The following FSTL5 variants were observed in gnomAD, a reference collection of about 807,000 sequenced individuals.
FSTL5 encodes the protein follistatin like 5, also known as follistatin-related protein 5.
Under a neutral mutation model 89.1 loss-of-function variants are expected in FSTL5, and 62 were observed. The ratio of observed to expected loss-of-function variants is 0.70; its 90% CI spans 0.57 to 0.86. FSTL5 has a LOEUF of 0.86. Ranked by LOEUF, FSTL5 falls within the 40% of genes least tolerant of loss-of-function variation. The pLI, the probability that FSTL5 is intolerant of heterozygous loss-of-function variation, is 0.00. For missense variants in FSTL5, 1,057 were observed against 1,001.6 expected (o/e 1.06, Z -0.75); for synonymous variants, 383 against 346.2 (o/e 1.11, Z -1.18).
chr4:162,116,063 G>C (rs529418652), intron 1 of FSTL5, among the ~76,000 whole-genome samples: 118 of 152,280 alleles, frequency 7.7e-4, no homozygotes, highest in African/African-American at 2.5e-3. Flanking sequence ...TTGTTGCAGA[G>C]AGGTTAAGTA....
At chr4:161,943,871 T>C (rs572027454) in intron 3 of FSTL5, among the ~76,000 whole-genome samples, 1 of 152,048 alleles carries the variant, frequency 6.6e-6, no homozygotes, top group Non-Finnish European at 1.5e-5. Context: ...CACTGTATCT[T>C]TACCTGCTCT....
chr4:161,896,277 A>G (rs544499932), intron 4 of FSTL5, among the ~76,000 whole-genome samples: 1 of 152,330 alleles, frequency 6.6e-6, no homozygotes, highest in Non-Finnish European at 1.5e-5. Flanking sequence ...CACATGAAAT[A>G]GTTGTGCTAC....
chr4:161,995,607 C>A (rs76940364), intron 3 of FSTL5, among the ~76,000 whole-genome samples: 8,360 of 152,078 alleles, frequency 0.055, 267 homozygotes, highest in Non-Finnish European at 0.077. Context: ...ATTAGCACTC[C>A]GCATCAGTGC....
At chr4:161,467,108 T>TA (rs1733772447) in intron 13 of FSTL5, among the ~76,000 whole-genome samples, 1 of 152,080 alleles carries the variant, frequency 6.6e-6, no homozygotes, top group African/African-American at 2.4e-5. Flanking sequence ...TACATTTCAA[T>TA]AACTGTAACA....
chr4:161,504,369 A>G (rs1730403042), intron 11 of FSTL5, among the ~76,000 whole-genome samples: 1 of 151,936 alleles, frequency 6.6e-6, no homozygotes, highest in Non-Finnish European at 1.5e-5. Context: ...CTCTTCATGA[A>G]TGCATTGTGG....
intron 4 of FSTL5, among the ~76,000 whole-genome samples, chr4:161,800,537 A>G (rs1031891885): frequency 6.6e-5 from 10 of 151,666 alleles, no homozygotes; most frequent in Non-Finnish European, 1.3e-4. Flanking sequence ...ATGAATATAC[A>G]AAGACCTCCT....
intron 7 of FSTL5, among the ~76,000 whole-genome samples, chr4:161,641,510 T>C (rs868515546): frequency 6.9e-6 from 1 of 144,206 alleles, no homozygotes; most frequent in Admixed American, 6.9e-5. Context: ...TTTTGTTTTG[T>C]TTTTTTTTTT....
At chr4:162,035,464 TG>T (rs1309479160) in intron 2 of FSTL5, 1 of 152,070 alleles carries the variant, frequency 6.6e-6, no homozygotes, top group Non-Finnish European at 1.5e-5. Context: ...AATTTCAAAT[TG>T]TCCTGAGTTA....
intron 7 of FSTL5, among the ~76,000 whole-genome samples, chr4:161,616,821 C>A (rs1734890198): frequency 6.6e-6 from 1 of 151,182 alleles, no homozygotes; most frequent in African/African-American, 2.4e-5. Context: ...ACCTATGTAA[C>A]AAACCTGCAT....
chr4:162,101,919 A>T (rs1173031657), intron 2 of FSTL5, among the ~76,000 whole-genome samples: 1 of 152,228 alleles, frequency 6.6e-6, no homozygotes, highest in Non-Finnish European at 1.5e-5. Flanking sequence ...ATCAATATCA[A>T]TGATTAGAAA....
At chr4:161,869,231 T>A (rs961692408) in intron 4 of FSTL5, among the ~76,000 whole-genome samples, 6 of 152,068 alleles carry the variant, frequency 3.9e-5, no homozygotes, top group African/African-American at 1.4e-4. Flanking sequence ...ATAATGCATA[T>A]CTCAGGGAAC....
At chr4:161,515,195 T>G (rs547468111) in intron 10 of FSTL5, among the ~76,000 whole-genome samples, 133 of 152,126 alleles carry the variant, frequency 8.7e-4, no homozygotes, top group Admixed American at 2.2e-3. Context: ...TACATTCTCT[T>G]TTTGTTTGTT....
chr4:161,933,960 T>A (rs1734362197), intron 3 of FSTL5, among the ~76,000 whole-genome samples: 1 of 152,090 alleles, frequency 6.6e-6, no homozygotes, highest in South Asian at 2.1e-4. Context: ...AAAACATATC[T>A]CCTAAACAAG....
chr4:162,103,422 A>G (rs1731082224), intron 2 of FSTL5, among the ~76,000 whole-genome samples: 1 of 152,186 alleles, frequency 6.6e-6, no homozygotes, highest in Admixed American at 6.5e-5. Context: ...TTTAGTGGCA[A>G]TTGTGACCTC....
At chr4:161,691,413 C>T (rs11100382) in intron 6 of FSTL5, among the ~76,000 whole-genome samples, 79,739 of 151,978 alleles carry the variant, frequency 0.52, 25,041 homozygotes, top group East Asian at 0.69. Context: ...TCTTTCTACC[C>T]GTGCCACACT....
intron 7 of FSTL5, among the ~76,000 whole-genome samples, chr4:161,592,050 C>T (rs560093402): frequency 5.9e-5 from 9 of 152,046 alleles, no homozygotes; most frequent in African/African-American, 9.6e-5. Flanking sequence ...TGAGACAAAA[C>T]GCTCAAAACA....
intron 6 of FSTL5, among the ~76,000 whole-genome samples, chr4:161,667,490 TAACATTATA>T (rs1736942252): frequency 6.6e-6 from 1 of 152,064 alleles, no homozygotes; most frequent in Non-Finnish European, 1.5e-5. Flanking sequence ...ACATTGTAGG[TAACATTATA>T]ATGTTGGAAT....
chr4:162,144,780 T>C (rs149797478), intron 1 of FSTL5, among the ~76,000 whole-genome samples: 108 of 152,226 alleles, frequency 7.1e-4, no homozygotes, highest in African/African-American at 2.5e-3. Context: ...GTTCATTAAA[T>C]TTTTTTAATT....
At position 161,711,865 on chromosome 4, in the gene FSTL5, G is replaced by A. The variant is rs553130229; in HGVS notation, c.727+47546C>T. ...ATATAGTGTATCATATCAATAGAACGAAAAATAAAAGTACACGACTATCTC... is the reference window on the plus strand; with the variant it reads ...ATATAGTGTATCATATCAATAGAACAAAAAATAAAAGTACACGACTATCTC... On this transcript the variant is annotated intron_variant, in intron 6 of 15. Transcript: ENST00000306100. Among the ~76,000 whole-genome samples, 4 of 152,168 alleles carry A rather than the reference G, an allele frequency of 2.6e-5. No individual in the cohort carries two copies. The East Asian group carries it at 5.8e-4, about 22-fold the overall frequency.
Sources: gnomAD v4.1 joint callset for allele counts (sites outside exome capture counted in the v4.1 genomes callset) on GRCh38, gnomAD v4.1.1 for gene constraint, MANE v1.5 for transcripts, NCBI Gene and HGNC (gene_info 2026-07-23, HGNC 2026-07-21) for gene names.